Variants in ZNF469 observed in about 807,000 individuals in gnomAD.
ZNF469 encodes the protein zinc finger protein 469.
Under a neutral mutation model 1.0 loss-of-function variants are expected in ZNF469, and 1 was observed. The ratio of observed to expected loss-of-function variants is 1.00; its 90% confidence interval spans 0.35 to 4.73. ZNF469 has a LOEUF of 4.73. ZNF469 is among the 30% of genes most tolerant of loss of function. ZNF469 has a pLI of 0.16. For missense variants in ZNF469, 6,100 were observed against 5,356.3 expected, an observed-to-expected ratio of 1.14 and a Z score of -4.33; for synonymous variants, 2,703 against 2,363.4, an observed-to-expected ratio of 1.14 and a Z score of -4.17.
chr16:88,266,270 G>C, the ZNF469 span, among the ~76,000 whole-genome samples: 3 of 152,234 alleles, frequency 2.0e-5, no homozygotes, highest in Admixed American at 2.0e-4. Context: ...GCTATGGGGG[G>C]ACTTGGGGCC....
At chr16:88,227,013 C>T in the ZNF469 span, among the ~76,000 whole-genome samples, 4 of 149,518 alleles carry the variant, frequency 2.7e-5, 1 homozygote, top group East Asian at 6.1e-4. Flanking sequence ...GCCTCCTCCG[C>T]GCCGGGGCCT....
At chr16:88,404,124 T>C (rs539995897) in intron 1 of ZNF469, among the ~76,000 whole-genome samples, 1 of 152,322 alleles carries the variant, frequency 6.6e-6, no homozygotes, top group Non-Finnish European at 1.5e-5. Context: ...TTTATGCTTT[T>C]ATTGTGGACC....
the ZNF469 span, among the ~76,000 whole-genome samples, chr16:88,279,494 C>G: frequency 1.1e-4 from 16 of 147,400 alleles, no homozygotes; most frequent in South Asian, 3.0e-3. Context: ...GTGTAGATAT[C>G]AGTGCACAGT....
the ZNF469 span, among the ~76,000 whole-genome samples, chr16:88,370,971 C>T: frequency 6.6e-6 from 1 of 152,236 alleles, no homozygotes; most frequent in East Asian, 1.9e-4. Flanking sequence ...AGGCACGCGG[C>T]CCAGTCATTC....
At chr16:88,353,337 C>T in the ZNF469 span, among the ~76,000 whole-genome samples, 1 of 152,148 alleles carries the variant, frequency 6.6e-6, no homozygotes, top group Admixed American at 6.5e-5. Context: ...TGGCTTCTGC[C>T]CTCCCACTCA....
At chr16:88,340,031 A>C in the ZNF469 span, among the ~76,000 whole-genome samples, 1 of 152,002 alleles carries the variant, frequency 6.6e-6, no homozygotes, top group African/African-American at 2.4e-5. Flanking sequence ...CAGGTGCAAT[A>C]TTTTTAAGCA....
chr16:88,128,775 A>G, the ZNF469 span, among the ~76,000 whole-genome samples: 2 of 152,210 alleles, frequency 1.3e-5, no homozygotes, highest in African/African-American at 2.4e-5. Context: ...GGCCTCTGCT[A>G]AGCTTCCTGG....
At chr16:88,155,918 T>G in the ZNF469 span, among the ~76,000 whole-genome samples, 2 of 152,352 alleles carry the variant, frequency 1.3e-5, no homozygotes, top group Admixed American at 1.3e-4. Flanking sequence ...CACTCACTGC[T>G]GTCTGCCTTC....
chr16:88,163,506 AT>A, the ZNF469 span, among the ~76,000 whole-genome samples: 17 of 117,158 alleles, frequency 1.5e-4, no homozygotes, highest in African/African-American at 6.8e-4. Context: ...GAATGGATGG[AT>A]GGATGGATGG....
At chr16:88,108,854 C>G in the ZNF469 span, among the ~76,000 whole-genome samples, 1 of 152,228 alleles carries the variant, frequency 6.6e-6, no homozygotes, top group Non-Finnish European at 1.5e-5. Context: ...GGAGGCTCAA[C>G]AGGGGAGTGC....
Position 88,434,815 on chromosome 16 carries a change from C to T in ZNF469, c.7345C>T (p.Arg2449Cys), listed in dbSNP as rs1308314699. 13 of 1,550,216 alleles carry T rather than the reference C, an allele frequency of 8.4e-6. No homozygotes were observed. Among genetic ancestry groups the T allele is most frequent in the Non-Finnish European group, 1.1e-5 (13 of 1,146,970 alleles). The change falls in exon 3 of 3, where the codon CGT becomes TGT. Residue 2449 changes from arginine to cysteine, a missense_variant. Arg to Cys is a radical substitution (Grantham distance 180, BLOSUM62 -3). Coordinates refer to ENST00000565624, the MANE Select transcript of ZNF469 (RefSeq NM_001367624.2). ...CCCCCAAGACCTCAAACAGAGGTCC[C>T]GTGGCTATAAAAAGAAGCCTGCATC... ...LGPQDLKQRS[R>C]GYKKKPASTE...
At chr16:88,217,178 G>A in the ZNF469 span, among the ~76,000 whole-genome samples, 217 of 152,146 alleles carry the variant, frequency 1.4e-3, no homozygotes, top group Admixed American at 2.4e-3. Flanking sequence ...AAAATGCATC[G>A]TGGAGGCTCC....
the ZNF469 span, among the ~76,000 whole-genome samples, chr16:88,365,873 C>A: frequency 6.6e-6 from 1 of 152,180 alleles, no homozygotes; most frequent in Non-Finnish European, 1.5e-5. Context: ...ACTGCCAAAC[C>A]CTTCCCAGAT....
chr16:88,167,894 G>T, the ZNF469 span, among the ~76,000 whole-genome samples: 1 of 152,218 alleles, frequency 6.6e-6, no homozygotes, highest in Non-Finnish European at 1.5e-5. Flanking sequence ...TGTTGGCTTC[G>T]AGGAAGGAAG....
In ZNF469 at chr16:88,433,008, G is replaced by A. The variant is rs943125670; in HGVS notation, c.5538G>A (p.Thr1846=). ...AGRAGGHLHP[T]AGRPGFEGNE... ...GAGCAGGTGGGCACCTCCACCCCAC[G>A]GCAGGGAGGCCTGGCTTTGAGGGTA... The change falls in exon 3 of 3, where the codon ACG becomes ACA. Residue 1846 remains threonine, a synonymous_variant. Transcript: ENST00000565624. The A allele has an allele frequency of 6.6e-5, 102 of 1,550,366 alleles. 1 individual carries two copies. The highest frequency in any genetic ancestry group is 4.1e-4 in the African/African-American group (30 of 73,176).
chr16:88,104,046 G>T, the ZNF469 span, among the ~76,000 whole-genome samples: 11 of 152,000 alleles, frequency 7.2e-5, no homozygotes, highest in African/African-American at 2.7e-4. Flanking sequence ...TGCCCCAGGT[G>T]GTTCGTAGGG....
At chr16:88,144,386 T>G in the ZNF469 span, among the ~76,000 whole-genome samples, 151,436 of 152,336 alleles carry the variant, frequency 0.99, 75,279 homozygotes, top group Middle Eastern at 1. Flanking sequence ...CTCATGTCCT[T>G]TCAGGAGGTA....
chr16:88,120,794 C>T, the ZNF469 span, among the ~76,000 whole-genome samples: 2 of 152,160 alleles, frequency 1.3e-5, no homozygotes, highest in Admixed American at 1.3e-4. Flanking sequence ...GACGGCGTCT[C>T]GTATGAATCC....
the ZNF469 span, among the ~76,000 whole-genome samples, chr16:88,200,504 C>T: frequency 6.6e-6 from 1 of 152,238 alleles, no homozygotes; most frequent in African/African-American, 2.4e-5. Flanking sequence ...GGTCTCTCCG[C>T]TCTCCCAGCT....
Sources: allele counts gnomAD v4.1 joint callset (sites outside exome capture counted in the v4.1 genomes callset), GRCh38; gene constraint gnomAD v4.1.1; transcripts MANE v1.5; gene names NCBI Gene and HGNC (gene_info 2026-07-23, HGNC 2026-07-21).